The following ROBO1 variants were observed in gnomAD, a reference collection of about 807,000 sequenced individuals.
The protein encoded by ROBO1 is roundabout homolog 1.
A neutral mutation model predicts 195.9 loss-of-function variants in ROBO1; 149 were observed. The ratio of observed to expected loss-of-function variants is 0.76; its 90% CI spans 0.67 to 0.87. ROBO1 has a LOEUF of 0.87. Ranked by LOEUF, ROBO1 falls within the 40% of genes least tolerant of loss-of-function variation. The probability of loss-of-function intolerance (pLI) is 0.00; values close to 1 mark genes in which losing one functional copy is unlikely to be tolerated. For missense variants in ROBO1, 1,933 were observed against 2,068.3 expected, an observed-to-expected ratio of 0.93 and a Z score of 1.27; for synonymous variants, 816 against 733.2, an observed-to-expected ratio of 1.11 and a Z score of -1.82.
At chr3:78,727,401 C>T (rs1373870300) in intron 5 of ROBO1, among the ~76,000 whole-genome samples, 6 of 152,020 alleles carry the variant, frequency 3.9e-5, no homozygotes, top group African/African-American at 4.8e-5. Flanking sequence ...CCGAGGCGGG[C>T]GGATCACAAG....
intron 4 of ROBO1, among the ~76,000 whole-genome samples, chr3:78,896,893 A>G (rs2037271019): frequency 6.6e-6 from 1 of 152,254 alleles, no homozygotes; most frequent in South Asian, 2.1e-4. Context: ...TGCTGCATAC[A>G]CCACTAATCC....
rs997846510 is a variant in ROBO1, at chr3:79,187,149, T to G, written c.89-61610A>C. Reference sequence around the variant, plus strand: ...TTTAAAACTTCCATTAAACACCAATTCTCATAGGAAAATATGTAATGTATT... The same window carrying G: ...TTTAAAACTTCCATTAAACACCAATGCTCATAGGAAAATATGTAATGTATT... On this transcript the variant is annotated intron_variant, in intron 2 of 30. Transcript: ENST00000464233. Among the ~76,000 whole-genome samples, 3 of 152,012 alleles carry G rather than the reference T, an allele frequency of 2.0e-5. No homozygotes were observed. In the East Asian group the frequency reaches 5.8e-4, roughly 29 times the overall value.
At chr3:79,420,965 A>G (rs2038199009) in intron 2 of ROBO1, among the ~76,000 whole-genome samples, 1 of 152,146 alleles carries the variant, frequency 6.6e-6, no homozygotes, top group African/African-American at 2.4e-5. Flanking sequence ...CAAAGAAATG[A>G]AATCAACCTA....
At chr3:79,064,468 T>G (rs1403605136) in intron 3 of ROBO1, among the ~76,000 whole-genome samples, 1 of 151,956 alleles carries the variant, frequency 6.6e-6, no homozygotes, top group African/African-American at 2.4e-5. Context: ...GTTTTTCCTG[T>G]ACTTCACCCT....
At chr3:78,795,107 T>G (rs1482208026) in intron 4 of ROBO1, among the ~76,000 whole-genome samples, 1 of 152,162 alleles carries the variant, frequency 6.6e-6, no homozygotes, top group Non-Finnish European at 1.5e-5. Context: ...AAAAAAAATT[T>G]GGCCTGTAAA....
At position 78,714,381 on chromosome 3, in the gene ROBO1, C is replaced by G; in HGVS notation, c.1045+16G>C. 6.2e-7 allele frequency: 1 copy of G among 1,602,820 alleles called. No individual in the cohort carries two copies. Among genetic ancestry groups the G allele is most frequent in the Non-Finnish European group, 8.5e-7 (1 of 1,176,268 alleles). On this transcript the variant is annotated intron_variant, in intron 8 of 30. Coordinates refer to ENST00000464233, the MANE Select transcript of ROBO1 (RefSeq NM_002941.4). ...TATGCTAAAACCACCAAAACAAAGC[C>G]TTTCCCAATGCCTACCTTGAACAGT...
chr3:79,462,629 A>C (rs1937712383), intron 2 of ROBO1, among the ~76,000 whole-genome samples: 1 of 152,240 alleles, frequency 6.6e-6, no homozygotes, highest in Non-Finnish European at 1.5e-5. Context: ...GTTACCTACG[A>C]AATAATATAA....
In ROBO1 at chr3:79,125,492, TG is replaced by T. The variant is rs746367878; in HGVS notation, c.135del (p.Thr46ProfsTer32). ...AGCGAATTGTCATCGTTATCAGAGG[TG>T]GGGATTGGCGTCCCGTGGTCGTTCC... is the stretch of plus-strand genomic sequence containing the variant. The part of the protein sequence containing the change: ...ERGNDHGTPI[P>X]TSDNDDNSLG... On this transcript the variant is annotated frameshift_variant, in exon 3 of 31. Transcript: ENST00000464233. LOFTEE classifies it high-confidence loss of function. 3 of 1,613,500 alleles carry T rather than the reference TG, an allele frequency of 1.9e-6. No homozygotes were observed. Among genetic ancestry groups the T allele is most frequent in the African/African-American group, 1.3e-5 (1 of 74,868 alleles).
At chr3:78,763,664 A>T (rs1190387021) in intron 4 of ROBO1, among the ~76,000 whole-genome samples, 2 of 152,154 alleles carry the variant, frequency 1.3e-5, no homozygotes, top group African/African-American at 4.8e-5. Context: ...CATTAAAAAA[A>T]TTGAGTTCTT....
intron 2 of ROBO1, among the ~76,000 whole-genome samples, chr3:79,307,623 T>C (rs894295301): frequency 5.9e-5 from 9 of 152,070 alleles, no homozygotes; most frequent in African/African-American, 2.2e-4. Context: ...TATTAATATC[T>C]AAATGTTATG....
At chr3:79,731,200 A>AT (rs1703134676) in intron 1 of ROBO1, among the ~76,000 whole-genome samples, 2 of 152,298 alleles carry the variant, frequency 1.3e-5, no homozygotes, top group African/African-American at 4.8e-5. Flanking sequence ...AGAAAGTAAT[A>AT]TTTTTAAAAA....
intron 2 of ROBO1, among the ~76,000 whole-genome samples, chr3:79,422,574 G>A (rs2038271964): frequency 6.6e-6 from 1 of 152,126 alleles, no homozygotes; most frequent in South Asian, 2.1e-4. Flanking sequence ...ATAAGAATGA[G>A]AAAGGGTAGA....
At chr3:79,151,544 G>A (rs114404748) in intron 2 of ROBO1, among the ~76,000 whole-genome samples, 2,731 of 151,668 alleles carry the variant, frequency 0.018, 65 homozygotes, top group African/African-American at 0.056. Context: ...TCTATAATCT[G>A]TCCTTCAGAG....
At chr3:78,610,028 TAAG>T (rs990571818) in intron 28 of ROBO1, among the ~76,000 whole-genome samples, 1 of 152,324 alleles carries the variant, frequency 6.6e-6, no homozygotes, top group African/African-American at 2.4e-5. Context: ...GGAATGATTA[TAAG>T]AAGTGATCAC....
At chr3:79,207,585 T>C (rs2081892954) in intron 2 of ROBO1, among the ~76,000 whole-genome samples, 1 of 152,144 alleles carries the variant, frequency 6.6e-6, no homozygotes, top group African/African-American at 2.4e-5. Context: ...TTAGGTTGGA[T>C]AGAATCTGGT....
intron 2 of ROBO1, among the ~76,000 whole-genome samples, chr3:79,290,626 G>T (rs1340032469): frequency 6.6e-6 from 1 of 151,984 alleles, no homozygotes; most frequent in Non-Finnish European, 1.5e-5. Flanking sequence ...ACTGTCCCTA[G>T]AACACATCTT....
intron 28 of ROBO1, among the ~76,000 whole-genome samples, chr3:78,610,697 A>AGAT (rs1213775610): frequency 6.6e-6 from 1 of 152,140 alleles, no homozygotes; most frequent in Non-Finnish European, 1.5e-5. Context: ...TAGATGTTCT[A>AGAT]GATAGGTGTT....
At chr3:79,043,803 G>A (rs1415795175) in intron 3 of ROBO1, among the ~76,000 whole-genome samples, 1 of 152,050 alleles carries the variant, frequency 6.6e-6, no homozygotes, top group Non-Finnish European at 1.5e-5. Context: ...AAATTCCAAA[G>A]TTAAATGCAA....
At chr3:78,645,960 T>A (rs1010072067) in intron 21 of ROBO1, among the ~76,000 whole-genome samples, 188 bp downstream of exon 21, 12 of 152,080 alleles carry the variant, frequency 7.9e-5, no homozygotes, top group African/African-American at 2.7e-4. Context: ...ATGCAACTAC[T>A]CCAATCAACT....
Sources: gnomAD v4.1 joint callset for allele counts (sites outside exome capture counted in the v4.1 genomes callset) on GRCh38, gnomAD v4.1.1 for gene constraint, MANE v1.5 for transcripts, NCBI Gene and HGNC (gene_info 2026-07-23, HGNC 2026-07-21) for gene names.